VAV1: variants seen among roughly 807,000 people sequenced by gnomAD.
VAV1 encodes the protein proto-oncogene vav.
In VAV1, 33 loss-of-function variants were observed where a neutral mutation model predicts 128.1. The ratio of observed to expected loss-of-function variants is 0.26; its 90% CI spans 0.20 to 0.34. The LOEUF is 0.34. Ranked by LOEUF, VAV1 falls within the 10% of genes least tolerant of loss-of-function variation. The probability of loss-of-function intolerance (pLI) is 1.00; values close to 1 mark genes in which losing one functional copy is unlikely to be tolerated. For synonymous variants in VAV1, 394 were observed against 409.8 expected, an observed-to-expected ratio of 0.96 and a Z score of 0.47; for missense variants, 715 against 1,093.7, an observed-to-expected ratio of 0.65 and a Z score of 4.88.
At chr19:6,776,403 T>TCCAC (rs1970638984) in intron 1 of VAV1, among the ~76,000 whole-genome samples, 1 of 89,596 alleles carries the variant, frequency 1.1e-5, no homozygotes, top group African/African-American at 5.2e-5. Context: ...CACCCACCCA[T>TCCAC]CTATCCATCC....
intron 1 of VAV1, chr19:6,784,242 G>A (rs1320702162): frequency 3.1e-6 from 2 of 651,684 alleles, no homozygotes; most frequent in African/African-American, 1.8e-5. Flanking sequence ...GGACAAAAGA[G>A]TAAGACCCTG....
At chr19:6,827,730 C>G (rs1971952775) in intron 9 of VAV1, among the ~76,000 whole-genome samples, 1 of 150,158 alleles carries the variant, frequency 6.7e-6, no homozygotes, top group Non-Finnish European at 1.5e-5. Flanking sequence ...TCCTGAGTAG[C>G]TGGGATTGCA....
intron 1 of VAV1, among the ~76,000 whole-genome samples, chr19:6,815,005 A>G (rs540536988): frequency 6.6e-5 from 10 of 151,898 alleles, no homozygotes; most frequent in African/African-American, 2.2e-4. Context: ...CGCATCTTTC[A>G]TGTGTCTTCT....
intron 1 of VAV1, among the ~76,000 whole-genome samples, chr19:6,817,196 C>T (rs1383935871): frequency 2.0e-5 from 3 of 151,502 alleles, no homozygotes; most frequent in Non-Finnish European, 2.9e-5. Flanking sequence ...TACAGGTGCC[C>T]GCCACCATGC....
chr19:6,804,997 C>T (rs999209504), intron 1 of VAV1, among the ~76,000 whole-genome samples: 1 of 151,760 alleles, frequency 6.6e-6, no homozygotes, highest in African/African-American at 2.4e-5. Flanking sequence ...TCCCTAAGTG[C>T]TGGGATTACA....
chr19:6,854,125 G>A (rs371618173), intron 26 of VAV1, 27 bp downstream of exon 26: 1 of 1,609,378 alleles, frequency 6.2e-7, no homozygotes, highest in Admixed American at 1.7e-5. Flanking sequence ...TGGGTGACGG[G>A]GAGGGCATGG....
chr19:6,780,067 G>C (rs868132738), intron 1 of VAV1, among the ~76,000 whole-genome samples: 21 of 145,042 alleles, frequency 1.4e-4, no homozygotes, highest in Non-Finnish European at 2.0e-4. Flanking sequence ...GCCGAGATCA[G>C]GCCACTGCAC....
intron 23 of VAV1, 27 bp from the exon 24 acceptor site, chr19:6,850,643 C>T (rs986717490): frequency 3.1e-6 from 5 of 1,612,228 alleles, no homozygotes; most frequent in Non-Finnish European, 4.2e-6. Context: ...TCCCCAGACT[C>T]AGGGCCCGGT....
At chr19:6,774,104 C>A (rs1346183986) in intron 1 of VAV1, among the ~76,000 whole-genome samples, 1 of 151,980 alleles carries the variant, frequency 6.6e-6, no homozygotes, top group Non-Finnish European at 1.5e-5. Flanking sequence ...ATCCATGCGC[C>A]TTTACTCCTT....
intron 1 of VAV1, among the ~76,000 whole-genome samples, chr19:6,788,785 T>G (rs1288583610): frequency 6.6e-6 from 1 of 152,084 alleles, no homozygotes; most frequent in African/African-American, 2.4e-5. Flanking sequence ...CAGGCCAGGG[T>G]CATGTGCCTA....
At chr19:6,816,730 C>T (rs866819429) in intron 1 of VAV1, among the ~76,000 whole-genome samples, 30 of 151,658 alleles carry the variant, frequency 2.0e-4, no homozygotes, top group African/African-American at 6.5e-4. Context: ...TTTGGGAGGC[C>T]GAGGCAGGTG....
intron 1 of VAV1, among the ~76,000 whole-genome samples, chr19:6,819,752 C>T (rs1211038856): frequency 6.6e-6 from 1 of 152,146 alleles, no homozygotes; most frequent in Non-Finnish European, 1.5e-5. Context: ...CTGTGGGAAG[C>T]TGGTGGATGG....
At position 6,833,842 on chromosome 19, in the gene VAV1, G is replaced by A. The variant is rs918110766; in HGVS notation, c.1732-66G>A. 1.8e-5 allele frequency: 29 copies of A among 1,613,694 alleles called. No individual in the cohort carries two copies. The African/African-American group carries it at 3.5e-4, about 19-fold the overall frequency. ...CAGGATCCTTTGTGGGGTGAGGAGAGTAAGGGGGCCTACAAGCCCCCAGGC... is the reference window on the plus strand; with the variant it reads ...CAGGATCCTTTGTGGGGTGAGGAGAATAAGGGGGCCTACAAGCCCCCAGGC... On this transcript the variant is annotated intron_variant, in intron 18 of 26. Coordinates refer to ENST00000602142, the MANE Select transcript of VAV1 (RefSeq NM_005428.4).
At chr19:6,803,177 CG>C (rs145344098) in intron 1 of VAV1, among the ~76,000 whole-genome samples, 4,816 of 152,252 alleles carry the variant, frequency 0.032, 277 homozygotes, top group African/African-American at 0.11. Context: ...AAGTGCATAG[CG>C]GCAGTTGCAG....
At chr19:6,853,769 G>A (rs979742267) in intron 25 of VAV1, among the ~76,000 whole-genome samples, 178 bp from the exon 26 acceptor site, 2 of 152,096 alleles carry the variant, frequency 1.3e-5, no homozygotes, top group African/African-American at 4.8e-5. Flanking sequence ...ATTCAGACGG[G>A]AGGATGATGC....
At chr19:6,793,244 G>A (rs1465409679) in intron 1 of VAV1, among the ~76,000 whole-genome samples, 1 of 152,050 alleles carries the variant, frequency 6.6e-6, no homozygotes, top group African/African-American at 2.4e-5. Flanking sequence ...TGAGGCAGGA[G>A]AATGGTGCGA....
intron 1 of VAV1, chr19:6,784,264 A>T (rs1358617889): frequency 3.2e-6 from 2 of 630,296 alleles, no homozygotes. Flanking sequence ...CTCTAAATAT[A>T]TCTATGCAGG....
chr19:6,824,980 T>A lies in VAV1; in HGVS notation c.655-73T>A. On this transcript the variant is annotated intron_variant, in intron 6 of 26. Coordinates refer to ENST00000602142, the MANE Select transcript of VAV1 (RefSeq NM_005428.4). ...CTTTATCTCCCTCTCTCTGTCTCCT[T>A]CCCCTGTCTCTCTGAGACTGGTCTG... 4 of 1,474,956 alleles carry A rather than the reference T, an allele frequency of 2.7e-6. No individual in the cohort carries two copies. In the South Asian group the frequency reaches 4.5e-5, roughly 17 times the overall value. The allele number at this position is 1,474,956 out of a possible 1,614,324, so 91.4% of individuals were successfully genotyped here. A position where few individuals can be genotyped will look rare whatever the true frequency, so the allele number is the denominator to read the frequency against.
chr19:6,850,850 G>T, intron 24 of VAV1, 93 bp downstream of exon 24: 1 of 1,283,578 alleles, frequency 7.8e-7, no homozygotes, highest in East Asian at 2.4e-5. Flanking sequence ...CCCACATTCA[G>T]GGTGACCCCC....
Sources: allele counts gnomAD v4.1 joint callset (sites outside exome capture counted in the v4.1 genomes callset), GRCh38; gene constraint gnomAD v4.1.1; transcripts MANE v1.5; gene names NCBI Gene and HGNC (gene_info 2026-07-23, HGNC 2026-07-21).